SLAIN2: variants seen among roughly 807,000 people sequenced by gnomAD.
The protein encoded by SLAIN2 is SLAIN motif-containing protein 2.
In SLAIN2, 31 loss-of-function variants were observed where a neutral mutation model predicts 56.6. That is an observed-to-expected ratio of 0.55 (90% CI 0.41 to 0.74). SLAIN2 has a LOEUF of 0.74. SLAIN2 is among the 30% of genes least tolerant of loss of function. SLAIN2 has a pLI of 0.00. For missense variants in SLAIN2, 777 were observed against 754.2 expected (o/e 1.03, Z -0.35); for synonymous variants, 317 against 284.9 (o/e 1.11, Z -1.13).
intron 2 of SLAIN2, among the ~76,000 whole-genome samples, chr4:48,375,708 G>A (rs568550644): frequency 1.3e-5 from 2 of 152,178 alleles, no homozygotes; most frequent in African/African-American, 4.8e-5. Context: ...ACTTCTGAGC[G>A]TAGTGTCTCA....
intron 1 of SLAIN2, among the ~76,000 whole-genome samples, chr4:48,351,621 C>T (rs944366251): frequency 6.6e-6 from 1 of 152,152 alleles, no homozygotes; most frequent in East Asian, 1.9e-4. Flanking sequence ...GTGCAGCCTG[C>T]GAGTGAAAGA....
At chr4:48,371,426 G>A (rs1382118239) in intron 2 of SLAIN2, among the ~76,000 whole-genome samples, 2 of 152,112 alleles carry the variant, frequency 1.3e-5, no homozygotes, top group African/African-American at 2.4e-5. Flanking sequence ...TAAATGTTTA[G>A]TATGACTATC....
intron 1 of SLAIN2, among the ~76,000 whole-genome samples, chr4:48,342,778 C>CT (rs1163159199): frequency 2.1e-4 from 26 of 124,670 alleles, no homozygotes; most frequent in Non-Finnish European, 3.2e-4. Context: ...AGCCCTGGCT[C>CT]TTATTTTCTA....
intron 1 of SLAIN2, among the ~76,000 whole-genome samples, chr4:48,349,674 T>C (rs1432837222): frequency 6.6e-6 from 1 of 152,220 alleles, no homozygotes; most frequent in African/African-American, 2.4e-5. Context: ...TTGATAAAAT[T>C]TAAGTCAGTT....
At position 48,424,928 on chromosome 4, in the gene SLAIN2, C is replaced by T. The variant is rs1048947520; in HGVS notation, c.*2851C>T. On this transcript the variant is annotated 3_prime_UTR_variant, in exon 8 of 8. Coordinates refer to ENST00000264313, the MANE Select transcript of SLAIN2 (RefSeq NM_020846.2). Reference sequence around the variant, plus strand: ...AGCATGGTCCTTTAAGGTCACATGACGTTTGATTTGCAAACATTTCTATAG... The same window carrying T: ...AGCATGGTCCTTTAAGGTCACATGATGTTTGATTTGCAAACATTTCTATAG... 1.3e-5 allele frequency: 2 copies of T among 152,220 alleles called. No individual in the cohort carries two copies. The allele number at this position is 152,220 out of a possible 1,614,324, so 9.4% of individuals were successfully genotyped here. A position where few individuals can be genotyped will look rare whatever the true frequency, so the allele number is the denominator to read the frequency against.
At chr4:48,373,808 A>G (rs1715730755) in intron 2 of SLAIN2, among the ~76,000 whole-genome samples, 1 of 152,288 alleles carries the variant, frequency 6.6e-6, no homozygotes, top group Non-Finnish European at 1.5e-5. Context: ...TGGGAGGCCA[A>G]GGTGGGCGGA....
intron 1 of SLAIN2, among the ~76,000 whole-genome samples, chr4:48,351,291 G>T (rs1560449212): frequency 2.0e-5 from 3 of 152,152 alleles, no homozygotes; most frequent in African/African-American, 7.2e-5. Flanking sequence ...TACCTAATCG[G>T]TACTATATTC....
chr4:48,396,035 TA>T (rs1456816624), intron 6 of SLAIN2, among the ~76,000 whole-genome samples: 28 of 152,296 alleles, frequency 1.8e-4, no homozygotes, highest in Admixed American at 1.6e-3. Context: ...TAGGTTTACA[TA>T]ACTTAAAATT....
chr4:48,391,443 A>G (rs760117227), intron 6 of SLAIN2, among the ~76,000 whole-genome samples: 5 of 152,248 alleles, frequency 3.3e-5, no homozygotes, highest in Non-Finnish European at 5.9e-5. Flanking sequence ...ACAGTTGTTT[A>G]TAGCTTAGAC....
chr4:48,381,548 C>T (rs1715973339), intron 4 of SLAIN2, among the ~76,000 whole-genome samples: 1 of 152,234 alleles, frequency 6.6e-6, no homozygotes, highest in East Asian at 1.9e-4. Flanking sequence ...GACTTTAGTG[C>T]CATGTTGGCT....
At chr4:48,378,188 A>G in intron 3 of SLAIN2, 128 bp downstream of exon 3, 2 of 1,082,122 alleles carry the variant, frequency 1.8e-6, no homozygotes, top group Non-Finnish European at 2.7e-6. Flanking sequence ...TAAAGAAAAT[A>G]TCGTTGAGGA....
intron 1 of SLAIN2, among the ~76,000 whole-genome samples, chr4:48,360,292 C>G (rs1305062788): frequency 6.6e-6 from 1 of 151,814 alleles, no homozygotes; most frequent in African/African-American, 2.4e-5. Flanking sequence ...AAAATGCACA[C>G]GTTTAAAGTG....
intron 1 of SLAIN2, among the ~76,000 whole-genome samples, chr4:48,361,308 CCT>C (rs1423899504): frequency 2.0e-5 from 3 of 152,128 alleles, no homozygotes; most frequent in Non-Finnish European, 4.4e-5. Context: ...GCACAAATGA[CCT>C]AGAAGCAAAA....
At chr4:48,380,990 A>T (rs1329224304) in intron 4 of SLAIN2, among the ~76,000 whole-genome samples, 1 of 152,182 alleles carries the variant, frequency 6.6e-6, no homozygotes, top group Non-Finnish European at 1.5e-5. Flanking sequence ...TAGCCCTGCA[A>T]CCTAATAGCA....
intron 6 of SLAIN2, among the ~76,000 whole-genome samples, chr4:48,410,195 G>A (rs1181108057): frequency 2.6e-5 from 4 of 151,652 alleles, no homozygotes; most frequent in Non-Finnish European, 5.9e-5. Context: ...GAGTAATGTT[G>A]AGCATCTTTT....
intron 6 of SLAIN2, among the ~76,000 whole-genome samples, chr4:48,388,838 A>T (rs761282696): frequency 6.6e-6 from 1 of 152,234 alleles, no homozygotes; most frequent in Non-Finnish European, 1.5e-5. Context: ...GTGAGATATT[A>T]TCCATTTGCT....
intron 1 of SLAIN2, among the ~76,000 whole-genome samples, chr4:48,358,382 C>T (rs535345726): frequency 4.0e-5 from 6 of 150,254 alleles, no homozygotes; most frequent in Non-Finnish European, 7.4e-5. Context: ...TGCAATGGCG[C>T]GATCTTGGCT....
At chr4:48,405,149 GCA>G (rs761406424) in intron 6 of SLAIN2, among the ~76,000 whole-genome samples, 3 of 152,158 alleles carry the variant, frequency 2.0e-5, no homozygotes, top group Non-Finnish European at 4.4e-5. Context: ...GAAAACCAAT[GCA>G]CAGTTTAATT....
chr4:48,419,915 C>T (rs1278916909), intron 6 of SLAIN2, among the ~76,000 whole-genome samples: 1 of 152,184 alleles, frequency 6.6e-6, no homozygotes, highest in Non-Finnish European at 1.5e-5. Context: ...TTGTCAAAGA[C>T]AGTTGTAATC....
Sources: allele counts gnomAD v4.1 joint callset (sites outside exome capture counted in the v4.1 genomes callset), GRCh38; gene constraint gnomAD v4.1.1; transcripts MANE v1.5; gene names NCBI Gene and HGNC (gene_info 2026-07-23, HGNC 2026-07-21).